The following AFF3 variants were observed in gnomAD, a reference collection of about 807,000 sequenced individuals.
AFF3 encodes ALF transcription elongation factor 3, also known as AF4/FMR2 family member 3.
In AFF3, 32 loss-of-function variants were observed where a neutral mutation model predicts 129.7. The ratio of observed to expected loss-of-function variants is 0.25; its 90% confidence interval spans 0.19 to 0.33. The LOEUF (loss-of-function observed/expected upper bound fraction) is 0.33. Ranked by LOEUF, AFF3 falls within the 10% of genes least tolerant of loss-of-function variation. The probability of loss-of-function intolerance (pLI) is 1.00; values close to 1 mark genes in which losing one functional copy is unlikely to be tolerated. For synonymous variants in AFF3, 644 were observed against 635.4 expected (o/e 1.01, Z -0.20); for missense variants, 1,373 against 1,592.0 (o/e 0.86, Z 2.34).
rs1019304917 is a variant in AFF3 at position 99,546,782 on chromosome 2, G to A, written c.*4692C>T. The A allele has an allele frequency of 4.6e-6, 1 of 215,904 alleles. No homozygotes were observed. Among genetic ancestry groups the A allele is most frequent in the African/African-American group, 2.3e-5 (1 of 44,332 alleles). The allele number at this position is 215,904 out of a possible 1,614,324, so 13.4% of individuals were successfully genotyped here. ...ACCATGTTGGTTTCAGTTGTGTGCA[G>A]TTCCCTGACTGCACACAAGTCAGGG... On this transcript the variant is annotated 3_prime_UTR_variant, in exon 25 of 25. Transcript: ENST00000672756.
chr2:99,710,154 T>C lies in AFF3; in HGVS notation c.1091+16923A>G, dbSNP rs373941645. Among the ~76,000 whole-genome samples, 20 of 152,372 alleles carry C rather than the reference T, an allele frequency of 1.3e-4. 1 individual carries two copies. In the South Asian group the frequency reaches 1.7e-3, roughly 13 times the overall value. On this transcript the variant is annotated intron_variant, in intron 11 of 24. Transcript: ENST00000672756. Reference sequence around the variant, plus strand: ...AGCTGATTCATGTATAGGGTGATCCTATGTTTCAGCTTACACTTATTGTCC... The same window carrying C: ...AGCTGATTCATGTATAGGGTGATCCCATGTTTCAGCTTACACTTATTGTCC...
intron 7 of AFF3, among the ~76,000 whole-genome samples, chr2:99,865,720 C>T (rs891375340): frequency 1.3e-5 from 2 of 152,134 alleles, no homozygotes; most frequent in African/African-American, 2.4e-5. Flanking sequence ...ACCCTGTTTA[C>T]AGACCAAAGG....
chr2:99,590,637 G>A (rs1020017521), intron 15 of AFF3, among the ~76,000 whole-genome samples: 3 of 152,132 alleles, frequency 2.0e-5, no homozygotes, highest in Non-Finnish European at 2.9e-5. Context: ...AACTAAGGGC[G>A]CCCACTGCCG....
intron 13 of AFF3, among the ~76,000 whole-genome samples, chr2:99,643,055 ATTT>A (rs34572652): frequency 2.0e-5 from 2 of 100,854 alleles, no homozygotes; most frequent in African/African-American, 3.9e-5. Context: ...TACTTAAAAG[ATTT>A]TTTTTTTTTT....
At chr2:99,619,801 G>A (rs1426618873) in intron 13 of AFF3, among the ~76,000 whole-genome samples, 1 of 152,190 alleles carries the variant, frequency 6.6e-6, no homozygotes, top group Non-Finnish European at 1.5e-5. Context: ...TTACTGCCCT[G>A]TGTCCCTTGC....
intron 8 of AFF3, among the ~76,000 whole-genome samples, chr2:99,777,146 C>T (rs951350254): frequency 6.6e-6 from 1 of 152,154 alleles, no homozygotes; most frequent in Non-Finnish European, 1.5e-5. Context: ...GTAGCCAGTG[C>T]CACACAAAGC....
chr2:100,123,925 G>A (rs745831878), intron 2 of AFF3, among the ~76,000 whole-genome samples: 11 of 152,066 alleles, frequency 7.2e-5, no homozygotes, highest in Non-Finnish European at 1.2e-4. Context: ...AATGACAACC[G>A]AGGAACAGAA....
chr2:99,664,742 T>A (rs2104366512), intron 12 of AFF3, among the ~76,000 whole-genome samples: 1 of 152,392 alleles, frequency 6.6e-6, no homozygotes, highest in East Asian at 1.9e-4. Flanking sequence ...GGCATCACTA[T>A]GCATTTATCC....
chr2:99,767,616 T>C (rs562366218), intron 8 of AFF3, among the ~76,000 whole-genome samples: 62 of 152,336 alleles, frequency 4.1e-4, no homozygotes, highest in African/African-American at 1.3e-3. Flanking sequence ...TATAACATAG[T>C]AACCATTAAA....
At chr2:99,723,598 T>C (rs902634775) in intron 11 of AFF3, among the ~76,000 whole-genome samples, 7 of 152,208 alleles carry the variant, frequency 4.6e-5, no homozygotes, top group African/African-American at 2.4e-5. Flanking sequence ...TTATGTTTCA[T>C]GTTTTACTTA....
intron 7 of AFF3, among the ~76,000 whole-genome samples, chr2:99,990,821 A>G (rs1188987610): frequency 3.9e-5 from 6 of 152,238 alleles, no homozygotes; most frequent in Non-Finnish European, 8.8e-5. Context: ...AAAAGAATCC[A>G]AGACGATTCC....
At chr2:99,899,381 G>T (rs1396468947) in intron 7 of AFF3, among the ~76,000 whole-genome samples, 1 of 152,136 alleles carries the variant, frequency 6.6e-6, no homozygotes, top group Non-Finnish European at 1.5e-5. Flanking sequence ...AGTTCCCCTT[G>T]CACATAGCTC....
intron 9 of AFF3, among the ~76,000 whole-genome samples, chr2:99,746,513 C>T (rs913315582): frequency 6.6e-6 from 1 of 152,024 alleles, no homozygotes; most frequent in Non-Finnish European, 1.5e-5. Flanking sequence ...TATGCAGATG[C>T]CTAATAAACC....
rs538051831 is a variant in AFF3, at chr2:99,745,619, A to G, written c.1003-1479T>C. Among the ~76,000 whole-genome samples, 88 of 152,316 alleles carry G rather than the reference A, an allele frequency of 5.8e-4. 1 individual carries two copies. The highest frequency in any genetic ancestry group is 2.1e-3 in the African/African-American group (86 of 41,580). On this transcript the variant is annotated intron_variant, in intron 9 of 24. Transcript: ENST00000672756. The stretch of plus-strand genomic sequence containing the variant: ...ACCTTTACTGCCACCCATTTCCTGT[A>G]GATGGGTTTGGCAATCATCCCACCA...
intron 2 of AFF3, among the ~76,000 whole-genome samples, chr2:100,108,064 A>ATCTCCTCCAGCTTTGTCCCCTACAGCG (rs1691380747): frequency 6.6e-6 from 1 of 152,132 alleles, no homozygotes; most frequent in Non-Finnish European, 1.5e-5. Context: ...CCCCTACAGC[A>ATCTCCTCCAGCTTTGTCCCCTACAGCG]TCTCCTCCAG....
chr2:99,960,837 G>A (rs890386854), intron 7 of AFF3, among the ~76,000 whole-genome samples: 1 of 152,140 alleles, frequency 6.6e-6, no homozygotes, highest in African/African-American at 2.4e-5. Flanking sequence ...GACTCCTAGA[G>A]CACTGTGATA....
intron 11 of AFF3, among the ~76,000 whole-genome samples, chr2:99,717,709 G>C (rs1322511738): frequency 6.6e-6 from 1 of 152,168 alleles, no homozygotes; most frequent in African/African-American, 2.4e-5. Flanking sequence ...AAATTTTGAT[G>C]AAGTCCAATC....
chr2:99,892,083 A>G (rs1221064471), intron 7 of AFF3, among the ~76,000 whole-genome samples: 2 of 152,188 alleles, frequency 1.3e-5, no homozygotes, highest in African/African-American at 4.8e-5. Flanking sequence ...TGGCCTCCCA[A>G]AGTGCTGGGA....
chr2:99,934,114 G>C (rs952953775), intron 7 of AFF3, among the ~76,000 whole-genome samples: 5 of 152,200 alleles, frequency 3.3e-5, no homozygotes, highest in Admixed American at 6.5e-5. Context: ...AGCAGGTGAG[G>C]AATAGAAAGC....
Sources: gnomAD v4.1 joint callset for allele counts (sites outside exome capture counted in the v4.1 genomes callset) on GRCh38, gnomAD v4.1.1 for gene constraint, MANE v1.5 for transcripts, NCBI Gene and HGNC (gene_info 2026-07-23, HGNC 2026-07-21) for gene names.